Variants in PIWIL2 observed in about 807,000 individuals in gnomAD.
PIWIL2 encodes piwi like RNA-mediated gene silencing 2, also known as piwi-like protein 2.
In PIWIL2, 81 loss-of-function variants were observed where a neutral mutation model predicts 116.5. That is an observed-to-expected ratio of 0.70 (90% CI 0.58 to 0.84). The LOEUF is 0.84. Among genes scored for constraint, PIWIL2 ranks in the 40% least tolerant of loss-of-function variants. The pLI, the probability that PIWIL2 is intolerant of heterozygous loss-of-function variation, is 0.00. For missense variants in PIWIL2, 1,272 were observed against 1,212.3 expected, an observed-to-expected ratio of 1.05 and a Z score of -0.73; for synonymous variants, 489 against 429.5, an observed-to-expected ratio of 1.14 and a Z score of -1.71.
intron 12 of PIWIL2, among the ~76,000 whole-genome samples, chr8:22,305,476 G>A (rs1831154663): frequency 6.6e-6 from 1 of 152,160 alleles, no homozygotes; most frequent in South Asian, 2.1e-4. Flanking sequence ...ACAGGCGTGA[G>A]CCACTGCGCC....
intron 5 of PIWIL2, among the ~76,000 whole-genome samples, chr8:22,283,931 A>G (rs539528580): frequency 1.6e-4 from 24 of 152,276 alleles, no homozygotes; most frequent in Middle Eastern, 3.4e-3. Flanking sequence ...TGGTAATGTT[A>G]CTAGGAAAGG....
chr8:22,281,567 T>G, intron 4 of PIWIL2, 52 bp downstream of exon 4: 20 of 1,443,062 alleles, frequency 1.4e-5, no homozygotes, highest in Non-Finnish European at 1.7e-5. Context: ...GGAATATCTC[T>G]GTAAGTTCAG....
intron 10 of PIWIL2, among the ~76,000 whole-genome samples, chr8:22,301,556 A>G (rs1315911071): frequency 6.6e-6 from 1 of 151,976 alleles, no homozygotes; most frequent in Non-Finnish European, 1.5e-5. Flanking sequence ...AGCCTCCCAA[A>G]GTGCTGGGAT....
intron 14 of PIWIL2, among the ~76,000 whole-genome samples, chr8:22,309,431 G>A (rs567944224): frequency 5.9e-5 from 9 of 151,970 alleles, no homozygotes; most frequent in East Asian, 1.9e-4. Flanking sequence ...GCCTCCTCCC[G>A]GATTCAAGTA....
In PIWIL2 at chr8:22,284,271, A is replaced by G; in HGVS notation, c.742A>G (p.Ser248Gly). The change falls in exon 6 of 23, where the codon AGC becomes GGC. Residue 248 changes from serine to glycine, a missense_variant and splice_region_variant. Coordinates refer to ENST00000356766, the MANE Select transcript of PIWIL2 (RefSeq NM_018068.5). ...EAVYQYHVTF[S>G]PNVECKSMRF... is the part of the protein sequence containing the mutation. ...AGTTTATCAATATCATGTGACTTTC[A>G]GGTATTCACAGCTTTCCTTTGTATT... The G allele has an allele frequency of 2.7e-6, 4 of 1,476,002 alleles. No individual in the cohort carries two copies. Among genetic ancestry groups the G allele is most frequent in the Non-Finnish European group, 3.7e-6 (4 of 1,066,966 alleles). The allele number at this position is 1,476,002 out of a possible 1,614,324, so 91.4% of individuals were successfully genotyped here.
rs1832469757 is a variant in PIWIL2 at position 22,355,513 on chromosome 8, G to T, written c.*8G>T. Reference sequence around the variant, plus strand: ...AACCTGTTCTTCCTGTGACTGCACAGCTTGGAGATGGGCTGGTGAGAAGAA... The same window carrying T: ...AACCTGTTCTTCCTGTGACTGCACATCTTGGAGATGGGCTGGTGAGAAGAA... On this transcript the variant is annotated 3_prime_UTR_variant, in exon 23 of 23. Coordinates refer to ENST00000356766, the MANE Select transcript of PIWIL2 (RefSeq NM_018068.5). 5 of 1,612,340 alleles carry T rather than the reference G, an allele frequency of 3.1e-6. No individual in the cohort carries two copies. The Middle Eastern group carries it at 6.9e-4, about 221-fold the overall frequency.
intron 20 of PIWIL2, among the ~76,000 whole-genome samples, chr8:22,320,838 C>T (rs919688061): frequency 6.6e-6 from 1 of 152,102 alleles, no homozygotes; most frequent in Non-Finnish European, 1.5e-5. Flanking sequence ...GGTGATCCAC[C>T]CCCCTCAGCC....
At chr8:22,322,748 C>T (rs1378586180) in intron 20 of PIWIL2, among the ~76,000 whole-genome samples, 2 of 151,994 alleles carry the variant, frequency 1.3e-5, no homozygotes, top group Non-Finnish European at 2.9e-5. Context: ...ACTGTGTTGG[C>T]CAGGCTTGTC....
At chr8:22,280,935 A>G (rs944771920) in intron 2 of PIWIL2, among the ~76,000 whole-genome samples, 185 bp from the exon 3 acceptor site, 4 of 152,208 alleles carry the variant, frequency 2.6e-5, no homozygotes, top group Non-Finnish European at 5.9e-5. Flanking sequence ...CATAACTGTA[A>G]CTGTGCTTTA....
At chr8:22,291,710 C>T (rs576097748) in intron 10 of PIWIL2, among the ~76,000 whole-genome samples, 1 of 152,116 alleles carries the variant, frequency 6.6e-6, no homozygotes. Flanking sequence ...AATCTTTGCT[C>T]CTCTGACCAT....
chr8:22,307,649 A>G (rs1831218406), intron 13 of PIWIL2, among the ~76,000 whole-genome samples: 1 of 151,756 alleles, frequency 6.6e-6, no homozygotes, highest in Non-Finnish European at 1.5e-5. Context: ...ATACCTGGCT[A>G]ATTTTTAAAA....
intron 20 of PIWIL2, among the ~76,000 whole-genome samples, chr8:22,327,609 C>T (rs562701125): frequency 6.6e-6 from 1 of 152,120 alleles, no homozygotes; most frequent in Admixed American, 6.6e-5. Flanking sequence ...TCAGGTGATC[C>T]GCCTACCTTG....
chr8:22,348,029 G>A (rs1832268838), intron 20 of PIWIL2, among the ~76,000 whole-genome samples: 1 of 152,076 alleles, frequency 6.6e-6, no homozygotes, highest in Admixed American at 6.6e-5. Flanking sequence ...GAGCACAGTG[G>A]CCCACGCCTG....
At chr8:22,322,283 C>G (rs1350202733) in intron 20 of PIWIL2, among the ~76,000 whole-genome samples, 1 of 151,326 alleles carries the variant, frequency 6.6e-6, no homozygotes, top group East Asian at 2.0e-4. Context: ...GACAGGGTTG[C>G]TCTGTTGCCT....
At chr8:22,297,605 G>A (rs1830939873) in intron 10 of PIWIL2, among the ~76,000 whole-genome samples, 1 of 152,182 alleles carries the variant, frequency 6.6e-6, no homozygotes. Flanking sequence ...CAGAACCAGT[G>A]CAATGGGCAC....
At chr8:22,306,081 T>G in intron 13 of PIWIL2, 65 bp downstream of exon 13, 1 of 1,183,680 alleles carries the variant, frequency 8.4e-7, no homozygotes, top group Non-Finnish European at 1.3e-6. Flanking sequence ...GTTAACAGTT[T>G]GAGTTAGAAC....
chr8:22,313,855 A>G (rs564091625), intron 16 of PIWIL2, among the ~76,000 whole-genome samples: 2 of 152,322 alleles, frequency 1.3e-5, no homozygotes, highest in South Asian at 4.1e-4. Context: ...CAATAGCTTC[A>G]TTCCAGTTTG....
At chr8:22,321,878 T>C in intron 20 of PIWIL2, 1 of 985,174 alleles carries the variant, frequency 1.0e-6, no homozygotes, top group Non-Finnish European at 1.2e-6. Flanking sequence ...TTCCAACACC[T>C]CCGAACAGTT....
intron 1 of PIWIL2, among the ~76,000 whole-genome samples, chr8:22,277,442 C>A (rs961998579): frequency 6.6e-5 from 10 of 152,214 alleles, no homozygotes; most frequent in African/African-American, 2.4e-4. Flanking sequence ...ACCTGTGAGA[C>A]TGAGCAAGTA....
Sources: gnomAD v4.1 joint callset for allele counts (sites outside exome capture counted in the v4.1 genomes callset) on GRCh38, gnomAD v4.1.1 for gene constraint, MANE v1.5 for transcripts, NCBI Gene and HGNC (gene_info 2026-07-23, HGNC 2026-07-21) for gene names.